MEIS2: variants seen among roughly 807,000 people sequenced by gnomAD.
MEIS2 encodes Meis homeobox 2, also known as homeobox protein Meis2.
Under a neutral mutation model 58.6 loss-of-function variants are expected in MEIS2, and 9 were observed. The ratio of observed to expected loss-of-function variants is 0.15; its 90% CI spans 0.09 to 0.27. The LOEUF (loss-of-function observed/expected upper bound fraction) is 0.27, where lower values mean the gene tolerates loss of function less well. Ranked by LOEUF, MEIS2 falls within the 10% of genes least tolerant of loss-of-function variation. The probability of loss-of-function intolerance (pLI) is 1.00; values close to 1 mark genes in which losing one functional copy is unlikely to be tolerated. For missense variants in MEIS2, 427 were observed against 635.0 expected (o/e 0.67, Z 3.52); for synonymous variants, 221 against 228.4 (o/e 0.97, Z 0.29).
chr15:37,096,462 A>AGAGACACACG (rs1210969600), intron 2 of MEIS2, 32 bp from the exon 3 acceptor site: 1 of 1,604,946 alleles, frequency 6.2e-7, no homozygotes, highest in Non-Finnish European at 8.5e-7. Flanking sequence ...AGACACACAC[A>AGAGACACACG]CAGAGACGGG....
intron 9 of MEIS2, among the ~76,000 whole-genome samples, chr15:36,941,468 A>G (rs941342325): frequency 2.0e-5 from 3 of 152,206 alleles, no homozygotes; most frequent in Non-Finnish European, 2.9e-5. Flanking sequence ...CAGGTTGAGT[A>G]TGCTTATCCA....
intron 2 of MEIS2, among the ~76,000 whole-genome samples, chr15:37,097,555 G>C (rs1174456757): frequency 6.6e-6 from 1 of 151,704 alleles, no homozygotes; most frequent in Non-Finnish European, 1.5e-5. Flanking sequence ...GGAAACAGAA[G>C]AAAAAAAAGT....
At position 36,964,951 on chromosome 15, in the gene MEIS2, T is replaced by C. The variant is rs562224116; in HGVS notation, c.901-14551A>G. ...ATCTGTCATTTTCAAAGCATTTTTC[T>C]AATATTAGCTGCTGAAGTTCTAAGT... On this transcript the variant is annotated intron_variant, in intron 8 of 11. Transcript: ENST00000561208. Among the ~76,000 whole-genome samples the C allele has an allele frequency of 7.2e-5, 11 of 152,328 alleles. No homozygotes were observed. In the South Asian group the frequency reaches 1.2e-3, roughly 17 times the overall value.
chr15:36,912,820 C>A lies in MEIS2; in HGVS notation c.978-16134G>T, dbSNP rs539884422. Among the ~76,000 whole-genome samples, 49 of 148,354 alleles carry A rather than the reference C, an allele frequency of 3.3e-4. 1 individual carries two copies. In the East Asian group the frequency reaches 8.4e-3, roughly 25 times the overall value. ...CCTAATCAGAAGACTTGCTACTCAC[C>A]CCCCACTCCTGAAAAAAAAAAAAAA... On this transcript the variant is annotated intron_variant, in intron 9 of 11. Transcript: ENST00000561208.
chr15:37,026,337 C>A (rs551644645), intron 8 of MEIS2, among the ~76,000 whole-genome samples: 2 of 152,180 alleles, frequency 1.3e-5, no homozygotes, highest in South Asian at 2.1e-4. Flanking sequence ...ACCATGTATT[C>A]TGGGTAAGAA....
intron 8 of MEIS2, among the ~76,000 whole-genome samples, chr15:37,034,385 T>C (rs1200864625): frequency 3.3e-5 from 5 of 152,306 alleles, no homozygotes; most frequent in African/African-American, 1.2e-4. Context: ...GAGTCCTCTC[T>C]CCCAACCTGG....
rs1241675565 is a variant in MEIS2, at chr15:37,100,203, G to A, written c.-737C>T. 1 of 151,388 alleles carries A rather than the reference G, an allele frequency of 6.6e-6. No individual in the cohort carries two copies. Among genetic ancestry groups the A allele is most frequent in the Admixed American group, 6.6e-5 (1 of 15,110 alleles). 9.4% of individuals were successfully genotyped at this position (151,388 alleles called of 1,614,324 possible). A position where few individuals can be genotyped will look rare whatever the true frequency, so the allele number is the denominator to read the frequency against. Reference sequence around the variant, plus strand: ...AAAAAATGAATAGTTTGCAAAAATTGGACTTCCTCCCCCCCTTTCCTGGTA... The same window carrying A: ...AAAAAATGAATAGTTTGCAAAAATTAGACTTCCTCCCCCCCTTTCCTGGTA... On this transcript the variant is annotated 5_prime_UTR_variant, in exon 1 of 12. Transcript: ENST00000561208.
intron 9 of MEIS2, among the ~76,000 whole-genome samples, chr15:36,930,671 G>A (rs1194759): frequency 0.099 from 14,991 of 152,032 alleles, 823 homozygotes; most frequent in East Asian, 0.2. Context: ...AAAAAATGAC[G>A]AAAGCTTTGC....
intron 8 of MEIS2, among the ~76,000 whole-genome samples, chr15:37,002,377 A>G (rs1225982868): frequency 1.3e-5 from 2 of 151,844 alleles, no homozygotes; most frequent in African/African-American, 4.8e-5. Flanking sequence ...CAACTCCCAT[A>G]GCCCTGTACC....
intron 9 of MEIS2, among the ~76,000 whole-genome samples, chr15:36,908,235 G>A (rs1405717052): frequency 2.0e-5 from 3 of 152,150 alleles, no homozygotes; most frequent in Admixed American, 6.5e-5. Flanking sequence ...GATGTTATAC[G>A]CAGTCTTTCC....
intron 8 of MEIS2, among the ~76,000 whole-genome samples, chr15:37,015,584 G>A (rs893574827): frequency 6.6e-6 from 1 of 151,676 alleles, no homozygotes; most frequent in Admixed American, 6.6e-5. Context: ...CAGATTTGAG[G>A]TGGGGGAAGT....
At chr15:37,013,943 A>G (rs992725128) in intron 8 of MEIS2, among the ~76,000 whole-genome samples, 1 of 152,212 alleles carries the variant, frequency 6.6e-6, no homozygotes, top group Non-Finnish European at 1.5e-5. Flanking sequence ...ACTTGAGCAT[A>G]CAAAATCTCC....
chr15:36,964,490 G>A (rs536831386), intron 8 of MEIS2, among the ~76,000 whole-genome samples: 1 of 152,262 alleles, frequency 6.6e-6, no homozygotes, highest in South Asian at 2.1e-4. Context: ...ATGACAAGGG[G>A]AGGGAAAAAT....
intron 7 of MEIS2, among the ~76,000 whole-genome samples, chr15:37,047,005 T>C (rs1013026572): frequency 1.3e-5 from 2 of 152,226 alleles, no homozygotes; most frequent in Non-Finnish European, 2.9e-5. Flanking sequence ...TCTGCCATTA[T>C]AATTCAGCAG....
intron 8 of MEIS2, among the ~76,000 whole-genome samples, chr15:37,015,289 C>T (rs932148733): frequency 3.3e-5 from 5 of 152,202 alleles, no homozygotes; most frequent in East Asian, 1.9e-4. Flanking sequence ...GAATGAGTCC[C>T]GCTTAATTTG....
At chr15:37,087,300 TGTGTTACAGAGCA>T (rs1893006003) in intron 6 of MEIS2, among the ~76,000 whole-genome samples, 1 of 152,102 alleles carries the variant, frequency 6.6e-6, no homozygotes, top group Non-Finnish European at 1.5e-5. Flanking sequence ...CTTACGTAAT[TGTGTTACAGAGCA>T]GTGTTACCAG....
rs576191257 is a variant in MEIS2, at chr15:37,003,563, C to CT, written c.900+33250dup. 3.3e-4 allele frequency among the ~76,000 whole-genome samples: 50 copies of CT among 152,228 alleles called. No individual in the cohort carries two copies. The South Asian group carries it at 0.01, about 32-fold the overall frequency. ...AGCCATTAGTGAGAAATTAGTAGTT[C>CT]TTACTAATATCAACAGGCCATTTTA... On this transcript the variant is annotated intron_variant, in intron 8 of 11. Coordinates refer to ENST00000561208, the MANE Select transcript of MEIS2 (RefSeq NM_170675.5).
At chr15:36,970,607 C>T (rs2059518569) in intron 8 of MEIS2, among the ~76,000 whole-genome samples, 1 of 152,216 alleles carries the variant, frequency 6.6e-6, no homozygotes, top group African/African-American at 2.4e-5. Flanking sequence ...CTGTCTCCAA[C>T]ATAGCACAAG....
intron 7 of MEIS2, among the ~76,000 whole-genome samples, chr15:37,065,119 A>T (rs1327374016): frequency 6.6e-6 from 1 of 152,182 alleles, no homozygotes; most frequent in East Asian, 1.9e-4. Context: ...CATAGTCTCA[A>T]TTCAAAGTAT....
Sources: allele counts gnomAD v4.1 joint callset (sites outside exome capture counted in the v4.1 genomes callset), GRCh38; gene constraint gnomAD v4.1.1; transcripts MANE v1.5; gene names NCBI Gene and HGNC (gene_info 2026-07-23, HGNC 2026-07-21).